Variants in SHTN1 observed in about 807,000 individuals in gnomAD.
The protein encoded by SHTN1 is shootin 1.
In SHTN1, 42 loss-of-function variants were observed where a neutral mutation model predicts 83.1. The observed-to-expected ratio is 0.51, with a 90% CI of 0.39 to 0.65. The LOEUF (loss-of-function observed/expected upper bound fraction) is 0.65, where lower values mean the gene tolerates loss of function less well. SHTN1 is among the 30% of genes least tolerant of loss of function. The pLI, the probability that SHTN1 is intolerant of heterozygous loss-of-function variation, is 0.00. For synonymous variants in SHTN1, 224 were observed against 247.7 expected, an observed-to-expected ratio of 0.90 and a Z score of 0.90; for missense variants, 622 against 737.8, an observed-to-expected ratio of 0.84 and a Z score of 1.82.
chr10:116,946,314 G>A (rs907311666), intron 7 of SHTN1, among the ~76,000 whole-genome samples: 9 of 147,264 alleles, frequency 6.1e-5, no homozygotes, highest in Admixed American at 1.4e-4. Flanking sequence ...GGATTGTAAA[G>A]GTTGAGATTT....
chr10:117,125,512 C>T (rs1005564095), intron 1 of SHTN1, among the ~76,000 whole-genome samples: 2 of 152,120 alleles, frequency 1.3e-5, no homozygotes, highest in Admixed American at 1.3e-4. Flanking sequence ...GCTTTCCTCC[C>T]ATCGTTACCC....
intron 1 of SHTN1, among the ~76,000 whole-genome samples, chr10:117,057,845 T>C (rs967611348): frequency 6.6e-6 from 1 of 152,202 alleles, no homozygotes; most frequent in African/African-American, 2.4e-5. Flanking sequence ...ATTAAAATGT[T>C]CAGTTTTCAA....
At chr10:117,014,791 A>T (rs775085853) in intron 2 of SHTN1, among the ~76,000 whole-genome samples, 20 of 152,222 alleles carry the variant, frequency 1.3e-4, no homozygotes, top group Non-Finnish European at 2.6e-4. Context: ...TTAGAACAAA[A>T]ATAGGAACCT....
intron 1 of SHTN1, among the ~76,000 whole-genome samples, chr10:117,060,746 G>A (rs964180588): frequency 4.6e-5 from 7 of 152,182 alleles, no homozygotes; most frequent in Admixed American, 3.9e-4. Flanking sequence ...CATGATGACT[G>A]TACCATCTTG....
Position 117,097,944 on chromosome 10 carries a change from G to A in SHTN1, c.-189+28363C>T, listed in dbSNP as rs530373243. Among the ~76,000 whole-genome samples the A allele has an allele frequency of 2.6e-4, 40 of 151,986 alleles. No individual in the cohort carries two copies. The South Asian group carries it at 8.3e-3, about 32-fold the overall frequency. ...TTCAGATAATGGCAAAAGTCAGAGGGACTCTGCTGGTGAGAACAGTGGCAA... is the reference window on the plus strand; with the variant it reads ...TTCAGATAATGGCAAAAGTCAGAGGAACTCTGCTGGTGAGAACAGTGGCAA... On this transcript the variant is annotated intron_variant, in intron 1 of 17. Transcript: ENST00000392901.
chr10:117,021,545 A>G (rs902494112), intron 2 of SHTN1, among the ~76,000 whole-genome samples: 7 of 152,252 alleles, frequency 4.6e-5, no homozygotes, highest in East Asian at 1.9e-4. Context: ...CTATAAGTGT[A>G]TAATTCACTT....
chr10:117,005,861 C>G (rs556336323), upstream of SHTN1, among the ~76,000 whole-genome samples: 1 of 152,364 alleles, frequency 6.6e-6, no homozygotes, highest in African/African-American at 2.4e-5. Context: ...TGCAGATCAT[C>G]TGGTTGGTGG....
chr10:117,004,901 G>A (rs1851957160), intron 1 of SHTN1, 121 bp downstream of exon 1: 3 of 792,970 alleles, frequency 3.8e-6, no homozygotes, highest in Non-Finnish European at 5.7e-6. Context: ...GAGCTACTGC[G>A]GTGACCACGG....
rs766132611 is a variant in SHTN1, at chr10:116,971,346, T to C, written c.112-2634A>G. Reference sequence around the variant, plus strand: ...AAAATAATAATAATTCTGTCTAATATAGTCTGTAGTTTCAGCTTAAACAAA... The same window carrying C: ...AAAATAATAATAATTCTGTCTAATACAGTCTGTAGTTTCAGCTTAAACAAA... On this transcript the variant is annotated intron_variant, in intron 2 of 16. Coordinates refer to ENST00000355371, the MANE Select transcript of SHTN1 (RefSeq NM_001127211.3). Among the ~76,000 whole-genome samples, 10 of 152,354 alleles carry C rather than the reference T, an allele frequency of 6.6e-5. No individual in the cohort carries two copies. In the East Asian group the frequency reaches 1.7e-3, roughly 26 times the overall value.
intron 1 of SHTN1, among the ~76,000 whole-genome samples, chr10:117,113,858 C>T (rs978762194): frequency 6.6e-6 from 1 of 152,108 alleles, no homozygotes; most frequent in Non-Finnish European, 1.5e-5. Context: ...CCAGTCTGAC[C>T]AACATGGTGA....
chr10:117,122,128 T>C (rs970570657), intron 1 of SHTN1, among the ~76,000 whole-genome samples: 1 of 152,162 alleles, frequency 6.6e-6, no homozygotes, highest in Admixed American at 6.5e-5. Flanking sequence ...TAAATAATTG[T>C]TGTACTGTAT....
chr10:116,944,806 G>C (rs375916570), intron 8 of SHTN1, 118 bp downstream of exon 8: 10 of 682,524 alleles, frequency 1.5e-5, no homozygotes, highest in Non-Finnish European at 2.4e-5. Context: ...CATGAGAATC[G>C]CTTGAATCAG....
intron 2 of SHTN1, among the ~76,000 whole-genome samples, chr10:117,045,589 T>C (rs1852649798): frequency 6.6e-6 from 1 of 152,208 alleles, no homozygotes; most frequent in Non-Finnish European, 1.5e-5. Context: ...AGAAGAAATG[T>C]TAGCTTCTGA....
intron 2 of SHTN1, among the ~76,000 whole-genome samples, chr10:117,031,292 C>T (rs1589903491): frequency 6.6e-6 from 1 of 152,084 alleles, no homozygotes; most frequent in East Asian, 1.9e-4. Context: ...ATAAGCTTTC[C>T]CAGACAAACA....
intron 2 of SHTN1, among the ~76,000 whole-genome samples, chr10:117,010,665 G>A (rs1044667499): frequency 5.3e-5 from 8 of 152,112 alleles, no homozygotes; most frequent in Non-Finnish European, 1.5e-5. Context: ...TATGAATATG[G>A]TTGCAAAAAT....
At chr10:117,012,769 A>G (rs1051467090) in intron 2 of SHTN1, among the ~76,000 whole-genome samples, 1 of 152,226 alleles carries the variant, frequency 6.6e-6, no homozygotes, top group Non-Finnish European at 1.5e-5. Context: ...AAGATAAAAG[A>G]AACAGATTAA....
intron 14 of SHTN1, among the ~76,000 whole-genome samples, chr10:116,910,110 A>G (rs953383610): frequency 3.0e-4 from 45 of 152,256 alleles, no homozygotes; most frequent in African/African-American, 1.1e-3. Context: ...TATCTTTCTT[A>G]TAAGAATGTG....
At chr10:117,000,481 T>C (rs1851784979) in intron 1 of SHTN1, among the ~76,000 whole-genome samples, 1 of 152,196 alleles carries the variant, frequency 6.6e-6, no homozygotes, top group Admixed American at 6.5e-5. Flanking sequence ...TTAAAACCAA[T>C]TACCTCACCA....
At chr10:117,027,960 A>T (rs1338759891) in intron 2 of SHTN1, among the ~76,000 whole-genome samples, 1 of 152,226 alleles carries the variant, frequency 6.6e-6, no homozygotes. Context: ...AGACAGGAAG[A>T]TGAGGGAATG....
Sources: gnomAD v4.1 joint callset for allele counts (sites outside exome capture counted in the v4.1 genomes callset) on GRCh38, gnomAD v4.1.1 for gene constraint, MANE v1.5 for transcripts, NCBI Gene and HGNC (gene_info 2026-07-23, HGNC 2026-07-21) for gene names.